Variants in RAMP1 observed in about 807,000 individuals in gnomAD.
RAMP1 encodes receptor activity modifying protein 1, also known as receptor activity-modifying protein 1.
A neutral mutation model predicts 8.2 loss-of-function variants in RAMP1; 7 were observed. The ratio of observed to expected loss-of-function variants is 0.85; its 90% CI spans 0.49 to 1.60. The LOEUF is 1.60. Ranked by LOEUF, RAMP1 falls within the 40% of genes most tolerant of loss-of-function variation. RAMP1 has a pLI of 0.00. For missense variants in RAMP1, 192 were observed against 202.4 expected, an observed-to-expected ratio of 0.95 and a Z score of 0.31; for synonymous variants, 92 against 84.7, an observed-to-expected ratio of 1.09 and a Z score of -0.47.
At chr2:237,879,989 C>CAAAAAA (rs35678960) in intron 2 of RAMP1, among the ~76,000 whole-genome samples, 2,002 of 75,742 alleles carry the variant, frequency 0.026, 64 homozygotes, top group Middle Eastern at 0.04. Context: ...GACTTTGTCT[C>CAAAAAA]AAAAAAAAAA....
intron 1 of RAMP1, among the ~76,000 whole-genome samples, chr2:237,872,373 T>C (rs1035202837): frequency 1.3e-5 from 2 of 152,162 alleles, no homozygotes; most frequent in Non-Finnish European, 2.9e-5. Flanking sequence ...GGCATTAGTG[T>C]GGGGTGGCCA....
At chr2:237,895,988 C>T (rs952957088) in intron 2 of RAMP1, among the ~76,000 whole-genome samples, 3 of 152,184 alleles carry the variant, frequency 2.0e-5, no homozygotes, top group African/African-American at 4.8e-5. Context: ...GGTGTCCCCA[C>T]AGGGGTGCCA....
At position 237,865,286 on chromosome 2, in the gene RAMP1, A is replaced by G. The variant is rs572360591; in HGVS notation, c.52+5559A>G. ...AAGAGAGGAGAGGAGGGGAGGGGAG[A>G]GCAGGGGAGAGGAGAGGAGGGGAGG... On this transcript the variant is annotated intron_variant, in intron 1 of 2. Transcript: ENST00000254661. This position sits in a 1 kb window ranked among gnomAD's most constrained non-coding sequence, Gnocchi z 4.2. Among the ~76,000 whole-genome samples, 2 of 93,988 alleles carry G rather than the reference A, an allele frequency of 2.1e-5. No individual in the cohort carries two copies. Among genetic ancestry groups the G allele is most frequent in the Non-Finnish European group, 4.2e-5 (2 of 48,134 alleles). 61.7% of individuals were successfully genotyped at this position (93,988 alleles called of 152,430 possible).
chr2:237,872,886 G>A lies in RAMP1; in HGVS notation c.53-4338G>A, dbSNP rs537326115. ...AATAGAAAAATTAGCTGGGTGTGGT[G>A]GCATGTGCCTCTGGTCCCAGCTACT... On this transcript the variant is annotated intron_variant, in intron 1 of 2. Coordinates refer to ENST00000254661, the MANE Select transcript of RAMP1 (RefSeq NM_005855.4). 5.9e-5 allele frequency among the ~76,000 whole-genome samples: 9 copies of A among 152,332 alleles called. No individual in the cohort carries two copies. In the South Asian group the frequency reaches 1.9e-3, roughly 32 times the overall value.
At chr2:237,861,913 C>A (rs2062136452) in intron 1 of RAMP1, among the ~76,000 whole-genome samples, 1 of 151,924 alleles carries the variant, frequency 6.6e-6, no homozygotes, top group Admixed American at 6.6e-5. Flanking sequence ...CCTGTGTACT[C>A]TTCTGTTTAC....
chr2:237,876,025 C>T (rs1417618705), intron 1 of RAMP1, among the ~76,000 whole-genome samples: 1 of 152,124 alleles, frequency 6.6e-6, no homozygotes, highest in East Asian at 1.9e-4. Context: ...ACCCTGAAGC[C>T]TCAGTTCCCC....
At chr2:237,893,063 C>T (rs1559948343) in intron 2 of RAMP1, among the ~76,000 whole-genome samples, 1 of 152,150 alleles carries the variant, frequency 6.6e-6, no homozygotes, top group Admixed American at 6.5e-5. Flanking sequence ...TAGAAATAAG[C>T]CATGTGATTA....
chr2:237,860,578 T>G (rs1316404180), intron 1 of RAMP1, among the ~76,000 whole-genome samples: 1 of 152,226 alleles, frequency 6.6e-6, no homozygotes, highest in Non-Finnish European at 1.5e-5. Flanking sequence ...CTTTGGCTAT[T>G]GCATTATTCC....
At chr2:237,881,499 C>T (rs1343372968) in intron 2 of RAMP1, among the ~76,000 whole-genome samples, 2 of 152,224 alleles carry the variant, frequency 1.3e-5, no homozygotes, top group Non-Finnish European at 2.9e-5. Context: ...GGTTTTGCAA[C>T]GTCCCTCCAG....
intron 2 of RAMP1, among the ~76,000 whole-genome samples, chr2:237,903,451 A>G (rs1182361136): frequency 2.0e-5 from 3 of 152,276 alleles, no homozygotes; most frequent in Admixed American, 6.5e-5. Context: ...AAATTGTACC[A>G]GTTTATCTTC....
chr2:237,903,693 TTTG>T (rs898275274), intron 2 of RAMP1, among the ~76,000 whole-genome samples: 4 of 151,554 alleles, frequency 2.6e-5, no homozygotes, highest in South Asian at 2.1e-4. Context: ...CTGGCAAATG[TTTG>T]TTGTTGTTGT....
In RAMP1 at chr2:237,900,348, A is replaced by T. The variant is rs1576554395; in HGVS notation, c.192-11180A>T. Among the ~76,000 whole-genome samples, 5 of 152,220 alleles carry T rather than the reference A, an allele frequency of 3.3e-5. No homozygotes were observed. In the South Asian group the frequency reaches 8.3e-4, roughly 25 times the overall value. ...GCTAATTTTGATATTTTCAGCAGAG[A>T]TGGGGTTTCGCCATGCTGCCCCGGC... On this transcript the variant is annotated intron_variant, in intron 2 of 2. Transcript: ENST00000254661.
chr2:237,885,047 G>A (rs1388599491), intron 2 of RAMP1, among the ~76,000 whole-genome samples: 1 of 152,244 alleles, frequency 6.6e-6, no homozygotes, highest in Non-Finnish European at 1.5e-5. Flanking sequence ...ACGACGTTGG[G>A]CAGGGTGCAC....
intron 2 of RAMP1, among the ~76,000 whole-genome samples, chr2:237,899,178 C>T (rs577664664): frequency 6.6e-6 from 1 of 152,184 alleles, no homozygotes; most frequent in South Asian, 2.1e-4. Flanking sequence ...TCAAGCAATT[C>T]TCCTGCCTCA....
intron 2 of RAMP1, among the ~76,000 whole-genome samples, chr2:237,884,765 G>A (rs1336592974): frequency 2.0e-5 from 3 of 152,226 alleles, no homozygotes; most frequent in Admixed American, 6.5e-5. Context: ...TTCCAGGTTT[G>A]TAAATACTGA....
chr2:237,871,891 C>G (rs2062249067), intron 1 of RAMP1, among the ~76,000 whole-genome samples: 1 of 152,148 alleles, frequency 6.6e-6, no homozygotes, highest in Non-Finnish European at 1.5e-5. Context: ...CCACTAGATA[C>G]GGTGATGGTT....
intron 2 of RAMP1, among the ~76,000 whole-genome samples, chr2:237,897,891 C>T (rs1032373323): frequency 4.6e-5 from 7 of 152,076 alleles, no homozygotes; most frequent in Non-Finnish European, 4.4e-5. Flanking sequence ...CTCCACCTCC[C>T]GAGTTCAAGC....
At chr2:237,885,222 C>A (rs1234745951) in intron 2 of RAMP1, among the ~76,000 whole-genome samples, 1 of 151,780 alleles carries the variant, frequency 6.6e-6, no homozygotes, top group Admixed American at 6.5e-5. Context: ...GAGGCTTCTT[C>A]TGAAATCACG....
intron 2 of RAMP1, among the ~76,000 whole-genome samples, chr2:237,897,369 T>C (rs2062551711): frequency 6.6e-6 from 1 of 152,212 alleles, no homozygotes; most frequent in Admixed American, 6.5e-5. Context: ...CTGGCCATTT[T>C]CTCCGGCTTC....
Sources: gnomAD v4.1 joint callset for allele counts (sites outside exome capture counted in the v4.1 genomes callset) on GRCh38, gnomAD v4.1.1 for gene constraint, Gnocchi (gnomAD v3.1) non-coding constraint, MANE v1.5 for transcripts, NCBI Gene and HGNC (gene_info 2026-07-23, HGNC 2026-07-21) for gene names.